Variants in ZMYND11 observed in about 807,000 individuals in gnomAD.
ZMYND11 encodes zinc finger MYND-type containing 11.
A neutral mutation model predicts 84.9 loss-of-function variants in ZMYND11; 9 were observed. The ratio of observed to expected loss-of-function variants is 0.11; its 90% CI spans 0.06 to 0.18. The LOEUF is 0.18. Among genes scored for constraint, ZMYND11 ranks in the 10% least tolerant of loss-of-function variants. The pLI is 1.00. For synonymous variants in ZMYND11, 250 were observed against 244.1 expected, an observed-to-expected ratio of 1.02 and a Z score of -0.23; for missense variants, 409 against 761.0, an observed-to-expected ratio of 0.54 and a Z score of 5.44.
chr10:250,085 A>C (rs1029151630), intron 14 of ZMYND11, among the ~76,000 whole-genome samples: 22 of 152,222 alleles, frequency 1.4e-4, no homozygotes, highest in African/African-American at 4.8e-4. Context: ...TAACTTTTCC[A>C]TGTTCTTCTT....
chr10:219,417 T>C (rs1946746052), intron 3 of ZMYND11, among the ~76,000 whole-genome samples: 1 of 152,226 alleles, frequency 6.6e-6, no homozygotes, highest in African/African-American at 2.4e-5. Flanking sequence ...TAAGATGTTT[T>C]TAAAACAGCT....
At chr10:185,052 C>T (rs1937816205) in intron 2 of ZMYND11, among the ~76,000 whole-genome samples, 1 of 152,088 alleles carries the variant, frequency 6.6e-6, no homozygotes, top group Non-Finnish European at 1.5e-5. Context: ...TTTGTAGGCC[C>T]CATTAAGCTC....
rs1953923238 is a variant in ZMYND11 at position 253,768 on chromosome 10, A to G, written c.*1298A>G. ...TTTGAGGTTAGAGAATAATTTGTACATATTTATTTAGACCTTTGATATTTA... is the reference window on the plus strand; with the variant it reads ...TTTGAGGTTAGAGAATAATTTGTACGTATTTATTTAGACCTTTGATATTTA... On this transcript the variant is annotated 3_prime_UTR_variant, in exon 15 of 15. Coordinates refer to ENST00000381604, the MANE Select transcript of ZMYND11 (RefSeq NM_001370100.5). 1 of 152,620 alleles carries G rather than the reference A, an allele frequency of 6.6e-6. No homozygotes were observed. Among genetic ancestry groups the G allele is most frequent in the African/African-American group, 2.4e-5 (1 of 41,442 alleles). 9.5% of individuals were successfully genotyped at this position (152,620 alleles called of 1,614,324 possible).
At chr10:251,677 ACTCTT>A (rs1256423399) in intron 14 of ZMYND11, among the ~76,000 whole-genome samples, 5 of 151,466 alleles carry the variant, frequency 3.3e-5, no homozygotes, top group South Asian at 2.1e-4. Context: ...TACTTTTTTC[ACTCTT>A]CTCTTCTCCC....
Position 248,984 on chromosome 10 carries a change from T to C in ZMYND11, c.1582T>C (p.Cys528Arg). 1.2e-6 allele frequency: 2 copies of C among 1,613,990 alleles called. No homozygotes were observed. The highest frequency in any genetic ancestry group is 1.7e-6 in the Non-Finnish European group (2 of 1,180,002). Residue 528 changes from cysteine to arginine, a missense_variant, in exon 14 of 15, where the codon TGT becomes CGT. By Grantham distance (180) the Cys-to-Arg change is radical. Around this residue, in one of 7 missense-constraint regions of ZMYND11, gnomAD observed 141 missense variants for 173.8 expected, o/e 0.81. Transcript: ENST00000381604. ...CATGCAGGGTGAGATGGACAGAAAA[T>C]GTAAGCAAGTAAAGGAAAAGTGTAA... ...ANMQGEMDRK[C>R]KQVKEKCKEE...
At chr10:200,022 GC>G (rs751414530) in intron 2 of ZMYND11, among the ~76,000 whole-genome samples, 11 of 151,682 alleles carry the variant, frequency 7.3e-5, no homozygotes, top group Non-Finnish European at 1.2e-4. Context: ...GCACTACCAT[GC>G]CTGGCTAAAT....
intron 4 of ZMYND11, among the ~76,000 whole-genome samples, chr10:223,825 C>A (rs1282103929): frequency 1.3e-5 from 2 of 152,090 alleles, no homozygotes; most frequent in African/African-American, 4.8e-5. Flanking sequence ...AGTGTCAAAA[C>A]TTTGAGTAAA....
chr10:217,483 G>T (rs901024156), intron 3 of ZMYND11, among the ~76,000 whole-genome samples: 3 of 149,026 alleles, frequency 2.0e-5, no homozygotes, highest in African/African-American at 7.5e-5. Flanking sequence ...AGATTTCGCC[G>T]TTGCACTCCA....
intron 1 of ZMYND11, among the ~76,000 whole-genome samples, chr10:176,485 A>G (rs1846651507): frequency 6.6e-6 from 1 of 152,142 alleles, no homozygotes; most frequent in Admixed American, 6.5e-5. Flanking sequence ...TTATTTACAT[A>G]ACAGCTGAAA....
chr10:236,796 G>GA, intron 4 of ZMYND11, 42 bp from the exon 5 acceptor site: 2 of 1,518,140 alleles, frequency 1.3e-6, no homozygotes, highest in Non-Finnish European at 1.8e-6. Flanking sequence ...ACATAAGAAT[G>GA]ATCAGATTTT....
chr10:135,494 G>C lies in ZMYND11; in HGVS notation c.-85G>C, dbSNP rs1554751696. 6.5e-6 allele frequency: 1 copy of C among 154,016 alleles called. No homozygotes were observed. Among genetic ancestry groups the C allele is most frequent in the Non-Finnish European group, 1.4e-5 (1 of 69,792 alleles). The allele number at this position is 154,016 out of a possible 1,614,324, so 9.5% of individuals were successfully genotyped here. A position where few individuals can be genotyped will look rare whatever the true frequency, so the allele number is the denominator to read the frequency against. ...CCCGAGAGGCGCCGGGCGGCGGGAA[G>C]GAGGCGGCACCGGAGGGGAGGGCCG... On this transcript the variant is annotated 5_prime_UTR_variant, in exon 1 of 15. Transcript: ENST00000381604. The surrounding 1 kb of genome is among the most constrained non-coding windows in gnomAD (Gnocchi z 5.6).
chr10:174,095 A>G (rs1845999654), intron 1 of ZMYND11, among the ~76,000 whole-genome samples: 1 of 152,228 alleles, frequency 6.6e-6, no homozygotes, highest in African/African-American at 2.4e-5. Context: ...GCACATAAAA[A>G]CATGCACATG....
chr10:139,745 TC>T, intron 1 of ZMYND11, among the ~76,000 whole-genome samples: 1 of 132,008 alleles, frequency 7.6e-6, no homozygotes, highest in Non-Finnish European at 1.5e-5. Context: ...AGGGTCTTGC[TC>T]TGTTGCCCAG....
intron 2 of ZMYND11, among the ~76,000 whole-genome samples, chr10:200,178 C>T (rs1036205018): frequency 6.3e-5 from 7 of 110,386 alleles, no homozygotes; most frequent in Admixed American, 2.9e-4. Context: ...GCTGAGACTA[C>T]AGACATGTGC....
At chr10:135,024 CAAT>C (rs1377585760), upstream of ZMYND11, 4 of 149,194 alleles carry the variant, frequency 2.7e-5, no homozygotes, top group African/African-American at 7.3e-5. This position sits in a 1 kb window ranked among gnomAD's most constrained non-coding sequence, Gnocchi z 5.6. Flanking sequence ...CGACCCGACA[CAAT>C]AAACTCCGAG....
chr10:199,199 C>A (rs1942499771), intron 2 of ZMYND11, among the ~76,000 whole-genome samples: 1 of 151,824 alleles, frequency 6.6e-6, no homozygotes, highest in African/African-American at 2.4e-5. Flanking sequence ...TCTGAACAAC[C>A]CAATAAATTA....
chr10:251,145 CAGAT>C (rs1260860397), intron 14 of ZMYND11, among the ~76,000 whole-genome samples: 2 of 152,138 alleles, frequency 1.3e-5, no homozygotes, highest in South Asian at 2.1e-4. Flanking sequence ...ACGAGAAACA[CAGAT>C]AGATGTATCC....
chr10:237,000 G>GT, intron 5 of ZMYND11, 85 bp downstream of exon 5: 1 of 1,311,884 alleles, frequency 7.6e-7, no homozygotes, highest in Non-Finnish European at 1.1e-6. Context: ...TGATCGAGAA[G>GT]TAACAAATAT....
chr10:187,678 G>A (rs1271439510), intron 2 of ZMYND11, among the ~76,000 whole-genome samples: 2 of 151,030 alleles, frequency 1.3e-5, no homozygotes, highest in Admixed American at 6.6e-5. Flanking sequence ...TCTTTAACAA[G>A]CTCCAACATT....
Sources: allele counts gnomAD v4.1 joint callset (sites outside exome capture counted in the v4.1 genomes callset), GRCh38; gene constraint gnomAD v4.1.1; regional missense constraint gnomAD v4.1.1; non-coding constraint Gnocchi (gnomAD v3.1); transcripts MANE v1.5; gene names NCBI Gene and HGNC (gene_info 2026-07-23, HGNC 2026-07-21).